Variants in CASK observed in about 807,000 individuals in gnomAD.
CASK encodes peripheral plasma membrane protein CASK.
Under a neutral mutation model 82.9 loss-of-function variants are expected in CASK, and 4 were observed. The ratio of observed to expected loss-of-function variants is 0.05; its 90% confidence interval spans 0.02 to 0.11. The LOEUF is 0.11. Among genes scored for constraint, CASK ranks in the 10% least tolerant of loss-of-function variants. The pLI is 1.00. For missense variants in CASK, 358 were observed against 720.9 expected (o/e 0.50, Z 5.76); for synonymous variants, 259 against 253.5 (o/e 1.02, Z -0.20).
chrX:41,524,225 T>C, intron 25 of CASK, 191 bp from the exon 26 acceptor site: 1 of 420,044 alleles, frequency 2.4e-6, no homozygotes, highest in Non-Finnish European at 4.1e-6. Context: ...GGATGGACAA[T>C]AGCCATCAGA....
intron 2 of CASK, among the ~76,000 whole-genome samples, chrX:41,807,877 C>T (rs922001432): frequency 1.3e-4 from 15 of 111,532 alleles, no homozygotes; most frequent in East Asian, 2.8e-4. Context: ...TTATTTGAGA[C>T]GGAGTTTCAC....
chrX:41,815,031 A>C (rs926746942), intron 2 of CASK, among the ~76,000 whole-genome samples: 1 of 111,492 alleles, frequency 9.0e-6, no homozygotes, highest in African/African-American at 3.3e-5. Context: ...AGTGTCACTG[A>C]GTAGAGAAAA....
In CASK at chrX:41,827,081, T is replaced by A. The variant is rs570820606; in HGVS notation, c.172+26034A>T. Among the ~76,000 whole-genome samples the A allele has an allele frequency of 8.0e-5, 9 of 112,026 alleles. No individual in the cohort carries two copies. The South Asian group carries it at 3.3e-3, about 42-fold the overall frequency. On this transcript the variant is annotated intron_variant, in intron 2 of 26. Transcript: ENST00000378163. The stretch of plus-strand genomic sequence containing the variant: ...AGAAAGATCTAAAAGAGATACCATA[T>A]AAAATTGAAATGGAAGAGGGAAGTT...
chrX:41,767,798 C>A (rs2069145707), intron 3 of CASK, among the ~76,000 whole-genome samples: 1 of 111,413 alleles, frequency 9.0e-6, no homozygotes, highest in Admixed American at 9.6e-5. Context: ...CTCATCACAT[C>A]ATATCAAGGA....
intron 11 of CASK, among the ~76,000 whole-genome samples, chrX:41,610,659 GCTGA>G (rs1404660800): frequency 9.0e-6 from 1 of 111,280 alleles, no homozygotes; most frequent in African/African-American, 3.3e-5. Context: ...GTATAGGGAC[GCTGA>G]CTGACACTTC....
intron 2 of CASK, among the ~76,000 whole-genome samples, chrX:41,830,549 G>A (rs1339902280): frequency 2.1e-4 from 23 of 111,227 alleles, no homozygotes; most frequent in African/African-American, 5.9e-4. Flanking sequence ...GGCCGGGTGC[G>A]GTGGCTCACG....
At position 41,561,641 on chromosome X, in the gene CASK, G is replaced by A. The variant is rs755515289; in HGVS notation, c.1586C>T (p.Thr529Ile). 8.6e-7 allele frequency: 1 copy of A among 1,160,972 alleles called. No individual in the cohort carries two copies. The highest frequency in any genetic ancestry group is 1.2e-6 in the Non-Finnish European group (1 of 849,923). ...TCGAATTTCATCACCAACATGAAGT[G>A]TACCTAAGAAATTATATAACATTAT... is the stretch of plus-strand genomic sequence containing the variant. The part of the protein sequence containing the change: ...MHGGMIHRQG[T>I]LHVGDEIREI... Residue 529 changes from threonine to isoleucine, a missense_variant, in exon 17 of 27, where the codon ACA becomes ATA. This residue lies in a region of CASK where 110 missense variants were observed against 218.8 expected (regional missense o/e 0.50). Coordinates refer to ENST00000378163, the MANE Select transcript of CASK (RefSeq NM_001367721.1).
intron 6 of CASK, among the ~76,000 whole-genome samples, chrX:41,666,915 T>C (rs890989036): frequency 2.7e-5 from 3 of 111,376 alleles, no homozygotes; most frequent in African/African-American, 6.5e-5. Flanking sequence ...ACTGGAGAAT[T>C]AGCCTTGTTC....
chrX:41,539,492 A>G (rs2064919621), intron 22 of CASK, among the ~76,000 whole-genome samples: 1 of 112,068 alleles, frequency 8.9e-6, no homozygotes, highest in African/African-American at 3.2e-5. Context: ...TCAACTTCTA[A>G]AAAAGCCAGA....
chrX:41,588,277 C>T, intron 13 of CASK: 1 of 111,778 alleles, frequency 8.9e-6, no homozygotes, highest in Non-Finnish European at 1.9e-5. Context: ...ACCACATACT[C>T]TCTCTGGGTC....
At chrX:41,747,466 G>A (rs1362814686) in intron 3 of CASK, among the ~76,000 whole-genome samples, 2 of 110,921 alleles carry the variant, frequency 1.8e-5, no homozygotes, top group Non-Finnish European at 3.8e-5. Flanking sequence ...TTGAGACGGA[G>A]TCTTGCTCTG....
At chrX:41,655,155 T>C (rs756182896) in intron 8 of CASK, among the ~76,000 whole-genome samples, 3 of 111,369 alleles carry the variant, frequency 2.7e-5, no homozygotes, top group Non-Finnish European at 3.8e-5. Context: ...CTACCCAGTA[T>C]TGTAAAACAG....
intron 20 of CASK, among the ~76,000 whole-genome samples, chrX:41,555,326 C>T (rs2065146608): frequency 1.8e-5 from 2 of 111,526 alleles, no homozygotes; most frequent in African/African-American, 6.5e-5. Flanking sequence ...ATGCCAGAGG[C>T]AGGCCCACAG....
intron 2 of CASK, among the ~76,000 whole-genome samples, chrX:41,815,589 T>A (rs2070395892): frequency 9.0e-6 from 1 of 111,305 alleles, no homozygotes; most frequent in African/African-American, 3.3e-5. Flanking sequence ...AGACAATGCA[T>A]GAAAAGTATA....
intron 5 of CASK, among the ~76,000 whole-genome samples, chrX:41,689,408 T>C (rs1602468212): frequency 8.9e-6 from 1 of 112,248 alleles, no homozygotes; most frequent in East Asian, 2.8e-4. Flanking sequence ...TTAAAAGTTA[T>C]TTTCATATGC....
intron 5 of CASK, among the ~76,000 whole-genome samples, chrX:41,679,588 G>C (rs2067318640): frequency 9.0e-6 from 1 of 111,283 alleles, no homozygotes; most frequent in Admixed American, 9.5e-5. Context: ...AGAATACCAA[G>C]TTAGTTTCTA....
chrX:41,626,176 A>G (rs1320290079), intron 10 of CASK, among the ~76,000 whole-genome samples: 1 of 109,915 alleles, frequency 9.1e-6, no homozygotes. Context: ...ACAGCTCTAC[A>G]CTGAAAGATT....
At chrX:41,871,132 C>A (rs1006340179) in intron 1 of CASK, among the ~76,000 whole-genome samples, 4 of 111,777 alleles carry the variant, frequency 3.6e-5, no homozygotes, top group African/African-American at 1.3e-4. Context: ...CAGCCAGGGG[C>A]CACTCAGTTT....
intron 16 of CASK, among the ~76,000 whole-genome samples, chrX:41,563,382 A>C (rs36080188): frequency 2.9e-5 from 3 of 104,008 alleles, no homozygotes; most frequent in African/African-American, 1.0e-4. Context: ...AAAAAAAAAG[A>C]CTGGAAATAA....
Sources: gnomAD v4.1 joint callset for allele counts (sites outside exome capture counted in the v4.1 genomes callset) on GRCh38, gnomAD v4.1.1 for gene constraint, gnomAD v4.1.1 regional missense constraint, MANE v1.5 for transcripts, NCBI Gene and HGNC (gene_info 2026-07-23, HGNC 2026-07-21) for gene names.